Variants in DOK6 observed in about 807,000 individuals in gnomAD.
DOK6 encodes the protein downstream of tyrosine kinase 6.
Under a neutral mutation model 44.0 loss-of-function variants are expected in DOK6, and 22 were observed. The ratio of observed to expected loss-of-function variants is 0.50; its 90% confidence interval spans 0.36 to 0.71. The LOEUF (loss-of-function observed/expected upper bound fraction) is 0.71, where lower values mean the gene tolerates loss of function less well. Ranked by LOEUF, DOK6 falls within the 30% of genes least tolerant of loss-of-function variation. The pLI, the probability that DOK6 is intolerant of heterozygous loss-of-function variation, is 0.00. For synonymous variants in DOK6, 166 were observed against 145.5 expected, an observed-to-expected ratio of 1.14 and a Z score of -1.01; for missense variants, 340 against 416.4, an observed-to-expected ratio of 0.82 and a Z score of 1.60.
At chr18:69,416,954 A>G (rs1419979371) in intron 1 of DOK6, among the ~76,000 whole-genome samples, 1 of 152,172 alleles carries the variant, frequency 6.6e-6, no homozygotes, top group Non-Finnish European at 1.5e-5. Flanking sequence ...TTATGGATAC[A>G]TAATAGTTGT....
intron 1 of DOK6, among the ~76,000 whole-genome samples, chr18:69,556,393 G>A (rs1982686646): frequency 6.6e-6 from 1 of 152,054 alleles, no homozygotes; most frequent in Admixed American, 6.6e-5. Context: ...AAATCTCCCT[G>A]GGGGTTGAGC....
intron 1 of DOK6, among the ~76,000 whole-genome samples, chr18:69,536,404 A>T (rs1395018692): frequency 1.3e-5 from 2 of 152,220 alleles, no homozygotes; most frequent in Non-Finnish European, 2.9e-5. Flanking sequence ...ATATATTGTT[A>T]AAACTGCAAA....
At chr18:69,794,549 A>T (rs543661312) in intron 7 of DOK6, among the ~76,000 whole-genome samples, 2 of 152,270 alleles carry the variant, frequency 1.3e-5, no homozygotes, top group South Asian at 4.1e-4. Flanking sequence ...TTCAGAACAG[A>T]TATGCCAAGT....
At chr18:69,731,219 C>T (rs904863051) in intron 5 of DOK6, among the ~76,000 whole-genome samples, 1 of 152,054 alleles carries the variant, frequency 6.6e-6, no homozygotes, top group African/African-American at 2.4e-5. Flanking sequence ...ATCATCTACT[C>T]ACTGAGTTTT....
intron 6 of DOK6, among the ~76,000 whole-genome samples, chr18:69,745,415 A>G (rs563768838): frequency 6.6e-6 from 1 of 152,368 alleles, no homozygotes; most frequent in South Asian, 2.1e-4. Context: ...GACAACATAC[A>G]CACATATAAC....
At chr18:69,764,589 G>A (rs567729190) in intron 7 of DOK6, among the ~76,000 whole-genome samples, 45 of 152,116 alleles carry the variant, frequency 3.0e-4, no homozygotes, top group Non-Finnish European at 1.9e-4. Context: ...CCCTTCCGCC[G>A]GGATTGTAAG....
At chr18:69,501,203 A>C (rs1175583004) in intron 1 of DOK6, among the ~76,000 whole-genome samples, 2 of 152,134 alleles carry the variant, frequency 1.3e-5, no homozygotes, top group African/African-American at 4.8e-5. Flanking sequence ...TTTATGGTAG[A>C]GTTTTGGATG....
intron 4 of DOK6, among the ~76,000 whole-genome samples, chr18:69,680,809 G>T (rs989683895): frequency 1.3e-5 from 2 of 152,156 alleles, no homozygotes; most frequent in African/African-American, 4.8e-5. Flanking sequence ...CCCAGTCCTT[G>T]GAGTAGGTAG....
chr18:69,613,408 G>A lies in DOK6; in HGVS notation c.289+13910G>A, dbSNP rs551913077. ...TCTTTCTTTTACTGAGTATGTCCCA[G>A]TCTCAAGGCAATGGCTAGTAAATGA... On this transcript the variant is annotated intron_variant, in intron 3 of 7. Transcript: ENST00000382713. Among the ~76,000 whole-genome samples the A allele has an allele frequency of 4.6e-5, 7 of 152,242 alleles. No individual in the cohort carries two copies. The South Asian group carries it at 1.5e-3, about 32-fold the overall frequency.
intron 7 of DOK6, among the ~76,000 whole-genome samples, chr18:69,826,510 A>G (rs1484782484): frequency 1.3e-5 from 2 of 152,200 alleles, no homozygotes; most frequent in Non-Finnish European, 2.9e-5. Flanking sequence ...GAGTGGTACT[A>G]TGGCTAATAA....
intron 3 of DOK6, chr18:69,643,787 T>C (rs1200856908): frequency 6.6e-6 from 1 of 152,198 alleles, no homozygotes; most frequent in Non-Finnish European, 1.5e-5. Context: ...TGCTGATTCT[T>C]AAGGTAAAAG....
At chr18:69,444,172 T>G (rs1026022565) in intron 1 of DOK6, among the ~76,000 whole-genome samples, 1 of 152,164 alleles carries the variant, frequency 6.6e-6, no homozygotes, top group Non-Finnish European at 1.5e-5. Flanking sequence ...GCTGAGCTCA[T>G]GGAGGATCAA....
chr18:69,545,179 C>T (rs1430119668), intron 1 of DOK6, among the ~76,000 whole-genome samples: 5 of 150,616 alleles, frequency 3.3e-5, no homozygotes, highest in African/African-American at 1.2e-4. Context: ...AGTTCTTGAG[C>T]AAAAACAAAG....
Position 69,749,812 on chromosome 18 carries a change from C to T in DOK6, c.739-7944C>T, listed in dbSNP as rs1042090680. Among the ~76,000 whole-genome samples the T allele has an allele frequency of 9.9e-5, 15 of 151,400 alleles. 1 individual carries two copies. The highest frequency in any genetic ancestry group is 1.5e-4 in the Non-Finnish European group (10 of 67,876). The stretch of plus-strand genomic sequence containing the variant: ...AAAAAATTAGCTGGGCGTGATGGTG[C>T]GCACCTGTAGTGCAGCTACTTGGGA... On this transcript the variant is annotated intron_variant, in intron 6 of 7. Transcript: ENST00000382713.
chr18:69,460,254 C>A (rs2122473406), intron 1 of DOK6, among the ~76,000 whole-genome samples: 1 of 152,272 alleles, frequency 6.6e-6, no homozygotes, highest in East Asian at 1.9e-4. Context: ...CTGAACCACT[C>A]AAACATCATC....
chr18:69,746,672 C>T (rs1396100495), intron 6 of DOK6, among the ~76,000 whole-genome samples: 1 of 152,136 alleles, frequency 6.6e-6, no homozygotes, highest in East Asian at 1.9e-4. Flanking sequence ...GTAAATATTA[C>T]CTTTTATTTG....
chr18:69,594,835 A>G (rs971160673), intron 2 of DOK6, among the ~76,000 whole-genome samples: 1 of 152,110 alleles, frequency 6.6e-6, no homozygotes, highest in African/African-American at 2.4e-5. Context: ...ACGTGAAAAA[A>G]AAAGAAAAGA....
At chr18:69,748,579 C>T (rs1056870926) in intron 6 of DOK6, among the ~76,000 whole-genome samples, 1 of 152,160 alleles carries the variant, frequency 6.6e-6, no homozygotes, top group Non-Finnish European at 1.5e-5. Context: ...CTCAAAACCA[C>T]ACAACTACAT....
At chr18:69,520,004 T>C (rs1431622437) in intron 1 of DOK6, among the ~76,000 whole-genome samples, 1 of 151,826 alleles carries the variant, frequency 6.6e-6, no homozygotes, top group Non-Finnish European at 1.5e-5. Flanking sequence ...TCTGAGGCAC[T>C]GTTAGCCTGA....
Sources: allele counts gnomAD v4.1 joint callset (sites outside exome capture counted in the v4.1 genomes callset), GRCh38; gene constraint gnomAD v4.1.1; transcripts MANE v1.5; gene names NCBI Gene and HGNC (gene_info 2026-07-23, HGNC 2026-07-21).